Variants in SHROOM3 observed in about 807,000 individuals in gnomAD.
SHROOM3 encodes the protein protein Shroom3.
SHROOM3 carries 47 observed loss-of-function variants against 138.6 expected under a neutral mutation model. That is an observed-to-expected ratio of 0.34 (90% CI 0.27 to 0.43). The LOEUF is 0.43. SHROOM3 is among the 20% of genes least tolerant of loss of function. The pLI, the probability that SHROOM3 is intolerant of heterozygous loss-of-function variation, is 1.00. For missense variants in SHROOM3, 2,491 were observed against 2,596.5 expected, an observed-to-expected ratio of 0.96 and a Z score of 0.88; for synonymous variants, 1,062 against 1,063.3, an observed-to-expected ratio of 1.00 and a Z score of 0.02.
At chr4:76,762,980 A>AT (rs1266576386) in intron 9 of SHROOM3, among the ~76,000 whole-genome samples, 2 of 152,186 alleles carry the variant, frequency 1.3e-5, no homozygotes, top group Non-Finnish European at 2.9e-5. Context: ...AAGGAAAAGC[A>AT]TAAGGAGAAA....
At chr4:76,677,199 G>A (rs1719065114) in intron 2 of SHROOM3, among the ~76,000 whole-genome samples, 1 of 152,156 alleles carries the variant, frequency 6.6e-6, no homozygotes. Context: ...TAGGAATAAA[G>A]TATTTGCCTG....
At chr4:76,558,766 A>T (rs995674022) in intron 2 of SHROOM3, among the ~76,000 whole-genome samples, 2 of 152,250 alleles carry the variant, frequency 1.3e-5, no homozygotes, top group African/African-American at 4.8e-5. Flanking sequence ...CAAGAAAACT[A>T]AATGGGAAGT....
At chr4:76,615,776 T>C in intron 2 of SHROOM3, among the ~76,000 whole-genome samples, 1 of 152,018 alleles carries the variant, frequency 6.6e-6, no homozygotes, top group Admixed American at 6.5e-5. Flanking sequence ...TCACATTCAC[T>C]GGGATTTGAG....
At chr4:76,639,561 A>C in intron 2 of SHROOM3, 1 of 398,354 alleles carries the variant, frequency 2.5e-6, no homozygotes, top group Non-Finnish European at 4.4e-6. Flanking sequence ...CCTGTTGTGG[A>C]TATGGTGGTA....
chr4:76,527,866 CA>C (rs1458348061), intron 1 of SHROOM3, among the ~76,000 whole-genome samples: 1 of 152,082 alleles, frequency 6.6e-6, no homozygotes, highest in East Asian at 1.9e-4. Context: ...ATGTCACGTG[CA>C]GATTGGCTGG....
chr4:76,511,951 T>C (rs866032358), intron 1 of SHROOM3, among the ~76,000 whole-genome samples: 4 of 152,090 alleles, frequency 2.6e-5, no homozygotes, highest in Admixed American at 6.5e-5. Flanking sequence ...TGAAGATCCC[T>C]AGGGAAGAGG....
chr4:76,697,961 GA>G (rs1183004380), intron 2 of SHROOM3, among the ~76,000 whole-genome samples: 2 of 152,140 alleles, frequency 1.3e-5, no homozygotes, highest in Non-Finnish European at 2.9e-5. Context: ...AAATGAAGGG[GA>G]TAAGTAGAAA....
At chr4:76,531,813 A>G (rs543008493) in intron 1 of SHROOM3, among the ~76,000 whole-genome samples, 289 of 152,304 alleles carry the variant, frequency 1.9e-3, no homozygotes, top group African/African-American at 6.6e-3. Context: ...AAGGCCATCA[A>G]ACAAGTAATT....
intron 1 of SHROOM3, among the ~76,000 whole-genome samples, chr4:76,460,607 A>G (rs1033820342): frequency 6.6e-6 from 1 of 151,948 alleles, no homozygotes; most frequent in Non-Finnish European, 1.5e-5. Context: ...ACTTTGTCCT[A>G]AGTTTGCAGA....
intron 2 of SHROOM3, among the ~76,000 whole-genome samples, chr4:76,566,108 CAAAAAAA>C (rs1170771360): frequency 5.1e-5 from 3 of 59,344 alleles, no homozygotes; most frequent in East Asian, 5.0e-4. Context: ...AACCCTGTCT[CAAAAAAA>C]AAAAAAAAAA....
At chr4:76,714,962 G>A (rs1340669708) in intron 3 of SHROOM3, among the ~76,000 whole-genome samples, 3 of 152,194 alleles carry the variant, frequency 2.0e-5, no homozygotes, top group African/African-American at 2.4e-5. Context: ...GTTTGGAAAT[G>A]TGGAAAAGGA....
At chr4:76,709,551 G>A (rs1174169984) in intron 2 of SHROOM3, among the ~76,000 whole-genome samples, 1 of 151,888 alleles carries the variant, frequency 6.6e-6, no homozygotes, top group African/African-American at 2.4e-5. Context: ...TATGGGAATG[G>A]TGTTAGGGAC....
chr4:76,450,064 C>T (rs2080690121), intron 1 of SHROOM3, among the ~76,000 whole-genome samples: 1 of 152,170 alleles, frequency 6.6e-6, no homozygotes, highest in Non-Finnish European at 1.5e-5. Flanking sequence ...TTCGTTTTAA[C>T]TCCATTGATT....
At chr4:76,723,689 T>C (rs1692546969) in intron 3 of SHROOM3, among the ~76,000 whole-genome samples, 2 of 152,246 alleles carry the variant, frequency 1.3e-5, no homozygotes, top group South Asian at 2.1e-4. Context: ...CTGGGTTTAG[T>C]AGCTGTGCTG....
At chr4:76,609,102 C>G (rs992092131) in intron 2 of SHROOM3, among the ~76,000 whole-genome samples, 2 of 152,184 alleles carry the variant, frequency 1.3e-5, no homozygotes, top group Non-Finnish European at 2.9e-5. Flanking sequence ...ATACAATTAA[C>G]AAGAACACTT....
intron 4 of SHROOM3, among the ~76,000 whole-genome samples, chr4:76,735,868 A>AAAAATAT (rs1553944040): frequency 3.2e-4 from 6 of 18,808 alleles, no homozygotes; most frequent in Admixed American, 9.2e-4. Context: ...AAAAAAAAAA[A>AAAAATAT]ATATATATAT....
chr4:76,509,943 A>G (rs1452172632), intron 1 of SHROOM3, among the ~76,000 whole-genome samples: 1 of 152,110 alleles, frequency 6.6e-6, no homozygotes, highest in Non-Finnish European at 1.5e-5. Flanking sequence ...AATTTGCCAA[A>G]ATTTAAATTA....
intron 1 of SHROOM3, among the ~76,000 whole-genome samples, chr4:76,478,426 A>G (rs1478703911): frequency 1.3e-5 from 2 of 152,244 alleles, no homozygotes; most frequent in Non-Finnish European, 1.5e-5. Flanking sequence ...CTGCCTCTCT[A>G]GATTCTGCCT....
chr4:76,580,563 A>C (rs971149165), intron 2 of SHROOM3, among the ~76,000 whole-genome samples: 4 of 148,330 alleles, frequency 2.7e-5, no homozygotes, highest in Admixed American at 6.9e-5. Flanking sequence ...AGTAGCTGGG[A>C]ATACAGGCAT....
Sources: gnomAD v4.1 joint callset for allele counts (sites outside exome capture counted in the v4.1 genomes callset) on GRCh38, gnomAD v4.1.1 for gene constraint, MANE v1.5 for transcripts, NCBI Gene and HGNC (gene_info 2026-07-23, HGNC 2026-07-21) for gene names.